VIRMA: variants seen among roughly 807,000 people sequenced by gnomAD.
The protein encoded by VIRMA is protein virilizer homolog.
VIRMA carries 65 observed loss-of-function variants against 182.4 expected under a neutral mutation model. The ratio of observed to expected loss-of-function variants is 0.36; its 90% CI spans 0.29 to 0.44. VIRMA has a LOEUF of 0.44. Ranked by LOEUF, VIRMA falls within the 20% of genes least tolerant of loss-of-function variation. VIRMA has a pLI of 1.00. For synonymous variants in VIRMA, 709 were observed against 743.1 expected (o/e 0.95, Z 0.75); for missense variants, 1,752 against 2,158.1 (o/e 0.81, Z 3.73).
intron 20 of VIRMA, among the ~76,000 whole-genome samples, chr8:94,493,430 C>G (rs1046142594): frequency 5.9e-5 from 9 of 152,178 alleles, no homozygotes; most frequent in Admixed American, 5.2e-4. Flanking sequence ...ATATTTTATA[C>G]CTGTGCTGCC....
chr8:94,534,009 G>C (rs1470399121), intron 5 of VIRMA: 1 of 152,180 alleles, frequency 6.6e-6, no homozygotes. Context: ...TTACAGCCAT[G>C]AGCCACTGCT....
At chr8:94,543,269 G>A (rs552737305) in intron 2 of VIRMA, among the ~76,000 whole-genome samples, 52 of 151,538 alleles carry the variant, frequency 3.4e-4, no homozygotes, top group African/African-American at 1.3e-3. Context: ...AGCCAGGTGT[G>A]GTGGTGGGGT....
At chr8:94,524,250 T>C (rs3099413) in intron 8 of VIRMA, among the ~76,000 whole-genome samples, 93,583 of 151,154 alleles carry the variant, frequency 0.62, 29,317 homozygotes, top group East Asian at 0.8. Flanking sequence ...CCACCTGCCT[T>C]GGCGTCCCAA....
Position 94,488,477 on chromosome 8 carries a change from C to T in VIRMA, c.*229G>A, listed in dbSNP as rs1474455279. 3 of 388,784 alleles carry T rather than the reference C, an allele frequency of 7.7e-6. No homozygotes were observed. Among genetic ancestry groups the T allele is most frequent in the Non-Finnish European group, 1.4e-5 (3 of 217,350 alleles). The allele number at this position is 388,784 out of a possible 1,614,324, so 24.1% of individuals were successfully genotyped here. On this transcript the variant is annotated 3_prime_UTR_variant, in exon 24 of 24. Transcript: ENST00000297591. ...ATTTAGTTTTTCACCTAGAAATTTT[C>T]TAAATAAATAGTCATACAAAAAAGG... is the stretch of plus-strand genomic sequence containing the variant.
chr8:94,528,915 C>G (rs1467258015), intron 7 of VIRMA, among the ~76,000 whole-genome samples, 155 bp downstream of exon 7: 2 of 152,218 alleles, frequency 1.3e-5, no homozygotes, highest in African/African-American at 4.8e-5. Flanking sequence ...AGATGGAAAT[C>G]TCATTTCTAG....
At chr8:94,493,702 T>TA (rs1225922452) in intron 20 of VIRMA, among the ~76,000 whole-genome samples, 1 of 152,162 alleles carries the variant, frequency 6.6e-6, no homozygotes, top group Non-Finnish European at 1.5e-5. Flanking sequence ...TGTGGTTTTT[T>TA]AAAAAAGGAA....
At chr8:94,543,685 A>T in intron 2 of VIRMA, 142 bp downstream of exon 2, 1 of 552,212 alleles carries the variant, frequency 1.8e-6, no homozygotes, top group Non-Finnish European at 3.2e-6. Flanking sequence ...ATATAGAGCC[A>T]ATTACAATGC....
chr8:94,535,987 C>T (rs1815328456), intron 4 of VIRMA, among the ~76,000 whole-genome samples: 1 of 152,262 alleles, frequency 6.6e-6, no homozygotes, highest in East Asian at 1.9e-4. Flanking sequence ...TTGTCATTCC[C>T]TTTTAAGAAA....
Position 94,506,515 on chromosome 8 carries a change from A to G in VIRMA, c.4082T>C (p.Leu1361Ser). The G allele has an allele frequency of 6.2e-7, 1 of 1,603,102 alleles. No homozygotes were observed. Among genetic ancestry groups the G allele is most frequent in the Non-Finnish European group, 8.5e-7 (1 of 1,171,908 alleles). The change falls in exon 16 of 24, where the codon TTA (leucine) becomes TCA (serine). Residue 1361 changes from leucine (L) to serine (S), a missense_variant. Leu to Ser is a moderately radical substitution (Grantham distance 145). Transcript: ENST00000297591. ...MMFLAEHDYG[L>S]FHLKSSLRKN... is the part of the protein sequence containing the mutation. The stretch of plus-strand genomic sequence containing the variant: ...AAATCATTACCTTTTTAAATGAAAT[A>G]ATCCATAATCATGCTCTGCAAGAAA...
chr8:94,551,021 A>G (rs906713803), intron 1 of VIRMA, among the ~76,000 whole-genome samples: 2 of 152,134 alleles, frequency 1.3e-5, no homozygotes, highest in Non-Finnish European at 2.9e-5. Flanking sequence ...CGCCTGGCCT[A>G]AAGTCTGTAA....
At position 94,527,175 on chromosome 8, in the gene VIRMA, T is replaced by A. The variant is rs977114613; in HGVS notation, c.1069A>T (p.Thr357Ser). 2 of 1,614,120 alleles carry A rather than the reference T, an allele frequency of 1.2e-6. No homozygotes were observed. The highest frequency in any genetic ancestry group is 1.6e-4 in the Middle Eastern group (1 of 6,062). Residue 357 changes from threonine to serine, a missense_variant, in exon 8 of 24, where the codon ACT becomes TCT. Transcript: ENST00000297591. ...PLLYFSCPYK[T>S]TFEIEISRMK... The stretch of plus-strand genomic sequence containing the variant: ...CTACTGATTTCAATTTCAAAAGTAG[T>A]CTTGTATGGACAACTGAAGTATAAG...
intron 1 of VIRMA, among the ~76,000 whole-genome samples, chr8:94,548,360 G>A (rs1815851324): frequency 6.6e-6 from 1 of 151,058 alleles, no homozygotes; most frequent in Non-Finnish European, 1.5e-5. Flanking sequence ...ATTAACGTGG[G>A]CAACGGGTGT....
chr8:94,494,956 C>T lies in VIRMA; in HGVS notation c.4545G>A (p.Arg1515=). Residue 1515 remains arginine, a splice_region_variant and synonymous_variant, in exon 20 of 24, where the codon AGG becomes AGA. Coordinates refer to ENST00000297591, the MANE Select transcript of VIRMA (RefSeq NM_015496.5). The stretch of plus-strand genomic sequence containing the variant: ...TGACATCAGCAAGCACATAGGCAGT[C>T]CTGGAACAAGAAAAGTATCTGGTGA... The part of the protein sequence containing the change: ...PESLQNLFNN[R]TAYVLADVMD... The T allele has an allele frequency of 1.3e-6, 2 of 1,589,898 alleles. No individual in the cohort carries two copies. The highest frequency in any genetic ancestry group is 8.6e-7 in the Non-Finnish European group (1 of 1,162,828).
chr8:94,532,371 T>C (rs993685054), intron 5 of VIRMA, among the ~76,000 whole-genome samples: 1 of 152,208 alleles, frequency 6.6e-6, no homozygotes, highest in Non-Finnish European at 1.5e-5. Flanking sequence ...CCTCCCAAAG[T>C]GCTGGGATTA....
At chr8:94,527,384 T>C in intron 7 of VIRMA, 21 bp from the exon 8 acceptor site, 1 of 1,380,414 alleles carries the variant, frequency 7.2e-7, no homozygotes, top group East Asian at 2.3e-5. Context: ...GTATGAATAA[T>C]ATTTAAGTAT....
chr8:94,515,947 G>A (rs3102859), intron 10 of VIRMA, among the ~76,000 whole-genome samples: 93,687 of 150,998 alleles, frequency 0.62, 29,445 homozygotes, highest in East Asian at 0.81. Context: ...GTCCCTACTA[G>A]AAATACAAAA....
intron 19 of VIRMA, 121 bp from the exon 20 acceptor site, chr8:94,495,077 T>C (rs1794103863): frequency 2.8e-6 from 2 of 718,532 alleles, no homozygotes; most frequent in Admixed American, 4.5e-5. Context: ...CACAGTTCAC[T>C]GCAGCCTTGA....
intron 16 of VIRMA, among the ~76,000 whole-genome samples, chr8:94,503,237 T>C (rs559222905): frequency 6.6e-6 from 1 of 152,358 alleles, no homozygotes; most frequent in South Asian, 2.1e-4. Flanking sequence ...TCTCAAAGTA[T>C]AGTCTCCAAA....
intron 12 of VIRMA, 122 bp from the exon 13 acceptor site, chr8:94,511,851 T>C (rs1338687725): frequency 1.5e-6 from 1 of 689,250 alleles, no homozygotes; most frequent in Non-Finnish European, 2.1e-6. Flanking sequence ...TGATTTTTAT[T>C]ATGACAAATA....
Sources: allele counts gnomAD v4.1 joint callset (sites outside exome capture counted in the v4.1 genomes callset), GRCh38; gene constraint gnomAD v4.1.1; transcripts MANE v1.5; gene names NCBI Gene and HGNC (gene_info 2026-07-23, HGNC 2026-07-21).